The following FRMD3 variants were observed in gnomAD, a reference collection of about 807,000 sequenced individuals.
FRMD3 encodes the protein FERM domain containing 3, also known as FERM domain-containing protein 3.
A neutral mutation model predicts 70.2 loss-of-function variants in FRMD3; 33 were observed. That is an observed-to-expected ratio of 0.47 (90% CI 0.36 to 0.63). The LOEUF (loss-of-function observed/expected upper bound fraction) is 0.63, where lower values mean the gene tolerates loss of function less well. Ranked by LOEUF, FRMD3 falls within the 20% of genes least tolerant of loss-of-function variation. The pLI is 0.00. For missense variants in FRMD3, 632 were observed against 711.4 expected, an observed-to-expected ratio of 0.89 and a Z score of 1.27; for synonymous variants, 279 against 255.9, an observed-to-expected ratio of 1.09 and a Z score of -0.86.
intron 13 of FRMD3, among the ~76,000 whole-genome samples, chr9:83,266,199 C>T (rs991005202): frequency 3.3e-5 from 5 of 151,620 alleles, no homozygotes; most frequent in South Asian, 2.1e-4. Flanking sequence ...GGAGTATTAA[C>T]GGAAAGCATC....
At chr9:83,416,788 A>T (rs11789826) in intron 1 of FRMD3, among the ~76,000 whole-genome samples, 11,199 of 75,982 alleles carry the variant, frequency 0.15, 334 homozygotes, top group East Asian at 0.2. Context: ...TCTCTCTCTC[A>T]CTCTCTCTCT....
chr9:83,311,498 G>T (rs946081288), intron 8 of FRMD3, among the ~76,000 whole-genome samples: 8 of 152,140 alleles, frequency 5.3e-5, no homozygotes, highest in Admixed American at 5.2e-4. Flanking sequence ...TTTGCACCCA[G>T]GACTCAACAG....
chr9:83,328,181 TAAA>T (rs373851850), intron 6 of FRMD3, among the ~76,000 whole-genome samples: 1 of 143,352 alleles, frequency 7.0e-6, no homozygotes, highest in Admixed American at 6.9e-5. Context: ...TCCTTATCTG[TAAA>T]AAAAAAAAAA....
chr9:83,549,011 T>A, the FRMD3 span, among the ~76,000 whole-genome samples: 6 of 152,144 alleles, frequency 3.9e-5, no homozygotes, highest in East Asian at 5.8e-4. Context: ...TAGATAATCA[T>A]GTGTCATGAG....
rs1835369310 is a variant in FRMD3 at position 83,311,873 on chromosome 9, A to G, written c.773+14T>C. On this transcript the variant is annotated intron_variant, in intron 8 of 13. Coordinates refer to ENST00000304195, the MANE Select transcript of FRMD3 (RefSeq NM_174938.6). ...AAGAAAAATGGAAAGCCAGTTTTCC[A>G]AAGAGGCACTTACCATTTTATCAAA... The G allele has an allele frequency of 6.3e-7, 1 of 1,576,406 alleles. No homozygotes were observed. Among genetic ancestry groups the G allele is most frequent in the Non-Finnish European group, 8.7e-7 (1 of 1,148,788 alleles).
intron 1 of FRMD3, among the ~76,000 whole-genome samples, chr9:83,535,653 G>A (rs568703896): frequency 6.6e-6 from 1 of 151,526 alleles, no homozygotes; most frequent in Admixed American, 6.6e-5. Flanking sequence ...TATCGTTAGC[G>A]TTAGTGTATT....
At chr9:83,488,132 C>CA (rs77467354) in intron 1 of FRMD3, among the ~76,000 whole-genome samples, 26 of 151,078 alleles carry the variant, frequency 1.7e-4, no homozygotes, top group Admixed American at 1.2e-3. Context: ...GCCTCCTTTT[C>CA]AAAAAAAAAT....
At chr9:83,334,382 G>A (rs962162661) in intron 6 of FRMD3, among the ~76,000 whole-genome samples, 1 of 152,128 alleles carries the variant, frequency 6.6e-6, no homozygotes, top group Non-Finnish European at 1.5e-5. Context: ...GAAATAAGCT[G>A]CCACCTTGAA....
chr9:83,568,146 TG>T, the FRMD3 span, among the ~76,000 whole-genome samples: 1 of 152,114 alleles, frequency 6.6e-6, no homozygotes, highest in Admixed American at 6.6e-5. Context: ...CAAGTGAAAA[TG>T]GGGATGAAGC....
At chr9:83,254,230 G>C (rs1832575966) in intron 13 of FRMD3, among the ~76,000 whole-genome samples, 1 of 151,890 alleles carries the variant, frequency 6.6e-6, no homozygotes, top group Admixed American at 6.6e-5. Context: ...AAACCTGCAT[G>C]TTGTGCACAC....
chr9:83,381,814 A>G (rs1825365073), intron 2 of FRMD3, among the ~76,000 whole-genome samples: 2 of 152,162 alleles, frequency 1.3e-5, no homozygotes, highest in African/African-American at 4.8e-5. Flanking sequence ...ACCAGATAGT[A>G]AATATTTTAA....
chr9:83,397,531 G>A (rs1315461825), intron 1 of FRMD3, among the ~76,000 whole-genome samples: 5 of 152,180 alleles, frequency 3.3e-5, no homozygotes, highest in Admixed American at 6.5e-5. Flanking sequence ...TGGAATGAGG[G>A]AAGCAGGCAA....
chr9:83,341,975 G>A (rs1331480254), intron 5 of FRMD3, among the ~76,000 whole-genome samples: 2 of 151,736 alleles, frequency 1.3e-5, no homozygotes, highest in Non-Finnish European at 2.9e-5. Context: ...GATCATAACC[G>A]ATGACCAGCT....
intron 1 of FRMD3, among the ~76,000 whole-genome samples, chr9:83,533,336 T>A (rs1829826979): frequency 1.3e-5 from 2 of 152,350 alleles, no homozygotes; most frequent in South Asian, 4.1e-4. Context: ...AAAATTCATA[T>A]GAGATAATAC....
chr9:83,270,927 C>A (rs572271394), intron 13 of FRMD3, among the ~76,000 whole-genome samples: 1 of 151,156 alleles, frequency 6.6e-6, no homozygotes, highest in South Asian at 2.1e-4. Flanking sequence ...TTCCTTCTGT[C>A]AACCATATGT....
intron 2 of FRMD3, among the ~76,000 whole-genome samples, chr9:83,381,869 C>T (rs1032612137): frequency 5.9e-5 from 9 of 152,154 alleles, no homozygotes; most frequent in Non-Finnish European, 1.5e-5. Flanking sequence ...CTCAACCCTG[C>T]TATTGGAGCA....
At chr9:83,253,430 C>T (rs1832521494) in intron 13 of FRMD3, among the ~76,000 whole-genome samples, 1 of 152,124 alleles carries the variant, frequency 6.6e-6, no homozygotes, top group Admixed American at 6.5e-5. Flanking sequence ...CAAAAACAAA[C>T]AACCCCATCA....
At chr9:83,582,263 G>C in the FRMD3 span, among the ~76,000 whole-genome samples, 1 of 152,098 alleles carries the variant, frequency 6.6e-6, no homozygotes, top group Admixed American at 6.6e-5. Flanking sequence ...ATCAAGTCTT[G>C]AGAAATACCC....
chr9:83,388,471 G>A (rs940812601), intron 2 of FRMD3, among the ~76,000 whole-genome samples: 3 of 152,208 alleles, frequency 2.0e-5, no homozygotes, highest in Admixed American at 6.5e-5. Context: ...CTGAGCCTCT[G>A]AGCATATGGC....
Sources: gnomAD v4.1 joint callset for allele counts (sites outside exome capture counted in the v4.1 genomes callset) on GRCh38, gnomAD v4.1.1 for gene constraint, MANE v1.5 for transcripts, NCBI Gene and HGNC (gene_info 2026-07-23, HGNC 2026-07-21) for gene names.